The following ST13 variants were observed in gnomAD, a reference collection of about 807,000 sequenced individuals.
The protein encoded by ST13 is hsc70-interacting protein.
A neutral mutation model predicts 56.7 loss-of-function variants in ST13; 23 were observed. That is an observed-to-expected ratio of 0.41 (90% CI 0.29 to 0.57). The LOEUF (loss-of-function observed/expected upper bound fraction) is 0.57. Ranked by LOEUF, ST13 falls within the 20% of genes least tolerant of loss-of-function variation. The probability of loss-of-function intolerance (pLI) is 0.36; values close to 1 mark genes in which losing one functional copy is unlikely to be tolerated. For synonymous variants in ST13, 132 were observed against 142.4 expected, an observed-to-expected ratio of 0.93 and a Z score of 0.52; for missense variants, 369 against 459.9, an observed-to-expected ratio of 0.80 and a Z score of 1.81.
At chr22:40,846,229 C>CCTGA (rs1386151255) in intron 3 of ST13, among the ~76,000 whole-genome samples, 1 of 152,182 alleles carries the variant, frequency 6.6e-6, no homozygotes, top group Admixed American at 6.5e-5. Flanking sequence ...AGTCACCGTG[C>CCTGA]CTGACCTCAG....
chr22:40,834,446 A>C (rs1306222760), intron 7 of ST13, among the ~76,000 whole-genome samples: 1 of 152,236 alleles, frequency 6.6e-6, no homozygotes, highest in Admixed American at 6.5e-5. Flanking sequence ...TTACCACACA[A>C]GTGTCAAAAA....
intron 5 of ST13, among the ~76,000 whole-genome samples, chr22:40,838,996 C>A (rs2057790252): frequency 6.6e-6 from 1 of 151,516 alleles, no homozygotes; most frequent in Non-Finnish European, 1.5e-5. Flanking sequence ...CTTAGTCTGG[C>A]AGGTCTATAA....
chr22:40,831,362 T>C (rs2057753141), intron 8 of ST13, among the ~76,000 whole-genome samples: 1 of 152,190 alleles, frequency 6.6e-6, no homozygotes, highest in Non-Finnish European at 1.5e-5. Context: ...TGGGAACTCA[T>C]ACCCCAAGTA....
Position 40,856,507 on chromosome 22 carries a change from A to G in ST13, c.34T>C (p.Phe12Leu). 3 of 1,613,122 alleles carry G rather than the reference A, an allele frequency of 1.9e-6. No individual in the cohort carries two copies. Among genetic ancestry groups the G allele is most frequent in the Non-Finnish European group, 2.5e-6 (3 of 1,179,720 alleles). ...DPRKVNELRAFVKMCKQDPSV... is the reference protein window; with the variant it reads ...DPRKVNELRALVKMCKQDPSV... ...GGATCCTGCTTACACATTTTCACAAAGGCCCGAAGCTCGTTCACTTTGCGG... is the reference window on the plus strand; with the variant it reads ...GGATCCTGCTTACACATTTTCACAAGGGCCCGAAGCTCGTTCACTTTGCGG... Residue 12 changes from phenylalanine (F) to leucine (L), a missense_variant, in exon 1 of 12, where the codon TTT becomes CTT. This residue lies in a region of ST13 where 169 missense variants were observed against 175.6 expected (regional missense o/e 0.96). Transcript: ENST00000216218.
rs182412498 is a variant in ST13 at position 40,836,314 on chromosome 22, G to T, written c.383-427C>A. ...AAAATACAAAAAATTAGCTGGGCGT[G>T]GGGGCGGAGCCCTGTAGTCCCAGCC... On this transcript the variant is annotated intron_variant, in intron 5 of 11. Coordinates refer to ENST00000216218, the MANE Select transcript of ST13 (RefSeq NM_003932.5). Among the ~76,000 whole-genome samples, 189 of 152,334 alleles carry T rather than the reference G, an allele frequency of 1.2e-3. 2 individuals carry two copies. Among genetic ancestry groups the T allele is most frequent in the African/African-American group, 4.4e-3 (185 of 41,574 alleles).
intron 10 of ST13, 77 bp from the exon 11 acceptor site, chr22:40,827,306 G>C: frequency 6.6e-7 from 1 of 1,511,160 alleles, no homozygotes; most frequent in Non-Finnish European, 9.1e-7. Flanking sequence ...AAAAGTACAG[G>C]TTCAAAGAAT....
In ST13 at chr22:40,840,633, T is replaced by C. The variant is rs531034202; in HGVS notation, c.375A>G (p.Leu125=). Residue 125 remains leucine, a synonymous_variant, in exon 5 of 12, where the codon CTA becomes CTG. Coordinates refer to ENST00000216218, the MANE Select transcript of ST13 (RefSeq NM_003932.5). Reference sequence around the variant, plus strand: ...AGCAAAAAGATTACTCACCATCATTTAGGGCTTCAATAGCAGCCACTTTTT... The same window carrying C: ...AGCAAAAAGATTACTCACCATCATTCAGGGCTTCAATAGCAGCCACTTTTT... ...NDKKVAAIEA[L]NDGELQKAID... 1 of 1,609,888 alleles carries C rather than the reference T, an allele frequency of 6.2e-7. No homozygotes were observed. The highest frequency in any genetic ancestry group is 1.1e-5 in the South Asian group (1 of 90,450).
intron 5 of ST13, among the ~76,000 whole-genome samples, chr22:40,836,744 A>C (rs1264276352): frequency 6.6e-6 from 1 of 152,212 alleles, no homozygotes; most frequent in East Asian, 1.9e-4. Flanking sequence ...TAGCTTCTTT[A>C]CTAATCCCTT....
intron 4 of ST13, 69 bp downstream of exon 4, chr22:40,844,770 A>G: frequency 3.0e-6 from 4 of 1,318,982 alleles, no homozygotes; most frequent in Non-Finnish European, 4.3e-6. Flanking sequence ...ATCGTGTCAT[A>G]AAATCATTGC....
At chr22:40,845,457 A>G (rs144873861) in intron 3 of ST13, among the ~76,000 whole-genome samples, 1 of 152,204 alleles carries the variant, frequency 6.6e-6, no homozygotes, top group African/African-American at 2.4e-5. Context: ...GAGCCACTGC[A>G]CCTGGTCCCT....
At chr22:40,846,382 AAGTAT>A (rs1196962396) in intron 3 of ST13, among the ~76,000 whole-genome samples, 1 of 152,182 alleles carries the variant, frequency 6.6e-6, no homozygotes, top group Non-Finnish European at 1.5e-5. Context: ...AACAAATTTC[AAGTAT>A]ACAGTATTAT....
intron 5 of ST13, among the ~76,000 whole-genome samples, chr22:40,839,774 T>G (rs2057794222): frequency 6.7e-6 from 1 of 149,692 alleles, no homozygotes; most frequent in Admixed American, 6.7e-5. Flanking sequence ...AAATAAAAAA[T>G]AAAATAAAAT....
At chr22:40,856,325 G>C (rs2057894923) in intron 1 of ST13, 106 bp downstream of exon 1, 1 of 967,104 alleles carries the variant, frequency 1.0e-6, no homozygotes. Flanking sequence ...GGGCAAAGAA[G>C]GGGCAGCGAC....
chr22:40,853,132 T>C (rs1438910192), intron 1 of ST13, among the ~76,000 whole-genome samples: 3 of 152,168 alleles, frequency 2.0e-5, no homozygotes, highest in Non-Finnish European at 4.4e-5. Flanking sequence ...CTACGTGACA[T>C]GGCAACTAAA....
chr22:40,849,587 T>G (rs1002727592), intron 2 of ST13, among the ~76,000 whole-genome samples: 3 of 151,904 alleles, frequency 2.0e-5, no homozygotes, highest in Non-Finnish European at 4.4e-5. Context: ...TAGAATATAT[T>G]GAAAAGAAAA....
chr22:40,831,405 T>C (rs1030565015), intron 8 of ST13, among the ~76,000 whole-genome samples: 14 of 152,266 alleles, frequency 9.2e-5, no homozygotes, highest in African/African-American at 3.4e-4. Flanking sequence ...TCTGTATCCA[T>C]AAAATGGGAG....
At chr22:40,835,531 T>C (rs2057773072) in intron 7 of ST13, 29 bp downstream of exon 7, 2 of 1,554,640 alleles carry the variant, frequency 1.3e-6, no homozygotes, top group Non-Finnish European at 8.9e-7. Context: ...TGTAAAGAGT[T>C]CTGAAAATAA....
At chr22:40,855,718 T>C (rs1435093154) in intron 1 of ST13, among the ~76,000 whole-genome samples, 1 of 152,194 alleles carries the variant, frequency 6.6e-6, no homozygotes, top group East Asian at 1.9e-4. Context: ...ACAGTACTTA[T>C]ACTGTTTCCT....
chr22:40,855,063 A>T (rs1158754955), intron 1 of ST13, among the ~76,000 whole-genome samples: 2 of 152,220 alleles, frequency 1.3e-5, no homozygotes, highest in Non-Finnish European at 2.9e-5. Flanking sequence ...AATACAACAT[A>T]CAACGCTGAC....
Sources: gnomAD v4.1 joint callset for allele counts (sites outside exome capture counted in the v4.1 genomes callset) on GRCh38, gnomAD v4.1.1 for gene constraint, gnomAD v4.1.1 regional missense constraint, MANE v1.5 for transcripts, NCBI Gene and HGNC (gene_info 2026-07-23, HGNC 2026-07-21) for gene names.